Variants in ABI3BP observed in about 807,000 individuals in gnomAD.
The protein encoded by ABI3BP is ABI family member 3 binding protein.
Under a neutral mutation model 268.6 loss-of-function variants are expected in ABI3BP, and 216 were observed. The ratio of observed to expected loss-of-function variants is 0.80; its 90% CI spans 0.72 to 0.90. The LOEUF is 0.90. Among genes scored for constraint, ABI3BP ranks in the 40% least tolerant of loss-of-function variants. The probability of loss-of-function intolerance (pLI) is 0.00; values close to 1 mark genes in which losing one functional copy is unlikely to be tolerated. For synonymous variants in ABI3BP, 730 were observed against 730.0 expected (o/e 1.00, Z 0.00); for missense variants, 2,090 against 2,182.4 (o/e 0.96, Z 0.84).
intron 21 of ABI3BP, among the ~76,000 whole-genome samples, chr3:100,841,220 T>TTTTTTTG (rs2098695808): frequency 8.4e-5 from 10 of 119,548 alleles, no homozygotes; most frequent in African/African-American, 2.3e-4. Context: ...TTTTTTTTTT[T>TTTTTTTG]TTTTTTTGCT....
chr3:100,752,941 T>A lies in ABI3BP; in HGVS notation c.4968A>T (p.Arg1656Ser). The change falls in exon 66 of 68, where the codon AGA becomes AGT. Residue 1656 changes from arginine (R) to serine (S), a missense_variant. By Grantham distance (110) the Arg-to-Ser change is moderately radical. Coordinates refer to ENST00000471714, the MANE Select transcript of ABI3BP (RefSeq NM_001375547.2). ...AGGGTCTTTCAGTCCAGATGGCATC[T>A]CTTCCTGCTACAAAAGGAAAATAGT... The part of the protein sequence containing the change: ...PRVSEPVSAG[R>S]DAIWTERPFN... 1 of 1,610,176 alleles carries A rather than the reference T, an allele frequency of 6.2e-7. No homozygotes were observed. Among genetic ancestry groups the A allele is most frequent in the South Asian group, 1.1e-5 (1 of 90,730 alleles).
intron 20 of ABI3BP, 102 bp downstream of exon 20, chr3:100,846,270 C>A: frequency 1.2e-6 from 1 of 836,972 alleles, no homozygotes. Context: ...AAAAATGTAA[C>A]AAATGTCAAA....
chr3:100,946,579 G>A (rs2072463182), intron 1 of ABI3BP, among the ~76,000 whole-genome samples: 1 of 151,496 alleles, frequency 6.6e-6, no homozygotes, highest in African/African-American at 2.4e-5. Flanking sequence ...ACCAGAGATC[G>A]GGAGTTTGAG....
intron 2 of ABI3BP, among the ~76,000 whole-genome samples, chr3:100,925,222 C>G (rs1036934764): frequency 3.3e-5 from 5 of 152,152 alleles, no homozygotes; most frequent in African/African-American, 4.8e-5. Context: ...AAAATAGATT[C>G]ATCTTCAACA....
chr3:100,880,643 T>G (rs1171997540), intron 6 of ABI3BP, among the ~76,000 whole-genome samples: 1 of 152,118 alleles, frequency 6.6e-6, no homozygotes, highest in Non-Finnish European at 1.5e-5. Context: ...CGGAGACAAA[T>G]GCAGCATGCT....
intron 63 of ABI3BP, among the ~76,000 whole-genome samples, chr3:100,764,743 T>C (rs1576912844): frequency 6.6e-6 from 1 of 152,346 alleles, no homozygotes; most frequent in African/African-American, 2.4e-5. Context: ...AAATATATTA[T>C]GGCAAAACAG....
At chr3:100,770,626 G>A (rs2096516972) in intron 62 of ABI3BP, 117 bp downstream of exon 62, 1 of 985,796 alleles carries the variant, frequency 1.0e-6, no homozygotes, top group Non-Finnish European at 1.4e-6. Context: ...AAAACTGCTA[G>A]TTTTGTCTCC....
chr3:100,830,464 A>G, intron 32 of ABI3BP, 114 bp downstream of exon 32: 1 of 830,398 alleles, frequency 1.2e-6, no homozygotes, highest in Non-Finnish European at 1.8e-6. Context: ...GTAATGAATA[A>G]TAGAGGATAA....
intron 57 of ABI3BP, among the ~76,000 whole-genome samples, chr3:100,784,747 T>C (rs906305939): frequency 1.3e-5 from 2 of 152,140 alleles, no homozygotes; most frequent in Admixed American, 1.3e-4. Flanking sequence ...TGGATGGATC[T>C]AGAGACCATT....
At chr3:100,947,168 G>C (rs1474838280) in intron 1 of ABI3BP, among the ~76,000 whole-genome samples, 2 of 151,946 alleles carry the variant, frequency 1.3e-5, no homozygotes, top group Non-Finnish European at 2.9e-5. Flanking sequence ...TTTGAACTAT[G>C]CACATACCTG....
chr3:100,936,098 A>G (rs938404564), intron 1 of ABI3BP, among the ~76,000 whole-genome samples: 55 of 152,212 alleles, frequency 3.6e-4, no homozygotes, highest in African/African-American at 1.3e-3. Flanking sequence ...ATTCAGTATG[A>G]TATTGGCTGT....
intron 20 of ABI3BP, among the ~76,000 whole-genome samples, chr3:100,843,415 TGTGTGTGA>T (rs2098729924): frequency 6.6e-6 from 1 of 150,484 alleles, no homozygotes; most frequent in South Asian, 2.1e-4. Flanking sequence ...TGTGTGTGTG[TGTGTGTGA>T]GTGAGTCTGT....
chr3:100,828,547 A>T, intron 33 of ABI3BP, 95 bp from the exon 34 acceptor site: 1 of 1,115,812 alleles, frequency 9.0e-7, no homozygotes, highest in South Asian at 1.4e-5. Context: ...GTCATGACAT[A>T]TCTGTCCAGA....
chr3:100,984,165 C>A lies in ABI3BP; in HGVS notation c.79+9141G>T, dbSNP rs549295626. ...GGAGTTAAAAAAAAAAAAATCCCACCCTAGACCAATTTAAAATAAATTTGT... is the reference window on the plus strand; with the variant it reads ...GGAGTTAAAAAAAAAAAAATCCCACACTAGACCAATTTAAAATAAATTTGT... On this transcript the variant is annotated intron_variant, in intron 1 of 67. Coordinates refer to ENST00000471714, the MANE Select transcript of ABI3BP (RefSeq NM_001375547.2). Among the ~76,000 whole-genome samples the A allele has an allele frequency of 9.9e-5, 15 of 151,902 alleles. No individual in the cohort carries two copies. The South Asian group carries it at 3.1e-3, about 32-fold the overall frequency.
At chr3:100,878,168 A>G (rs915122205) in intron 6 of ABI3BP, among the ~76,000 whole-genome samples, 6 of 152,212 alleles carry the variant, frequency 3.9e-5, no homozygotes, top group African/African-American at 1.4e-4. Flanking sequence ...GGTTTTATTA[A>G]ATGATAGTTC....
chr3:100,988,574 T>C (rs1230918059), intron 1 of ABI3BP, among the ~76,000 whole-genome samples: 1 of 152,166 alleles, frequency 6.6e-6, no homozygotes, highest in African/African-American at 2.4e-5. Context: ...TTGGGTTTCT[T>C]ATTCTCTCAT....
intron 1 of ABI3BP, among the ~76,000 whole-genome samples, chr3:100,967,964 A>T (rs1015693758): frequency 6.6e-6 from 1 of 152,176 alleles, no homozygotes; most frequent in African/African-American, 2.4e-5. Flanking sequence ...CTGCCTTTTT[A>T]AATTCACTGA....
At chr3:100,899,451 G>A (rs1038374219) in intron 3 of ABI3BP, among the ~76,000 whole-genome samples, 1 of 152,172 alleles carries the variant, frequency 6.6e-6, no homozygotes, top group African/African-American at 2.4e-5. Flanking sequence ...ATTTTACAAT[G>A]AGTATCTAAA....
At chr3:100,847,524 C>T in intron 19 of ABI3BP, 78 bp downstream of exon 19, 1 of 1,208,584 alleles carries the variant, frequency 8.3e-7, no homozygotes, top group Non-Finnish European at 1.2e-6. Flanking sequence ...AGGTAACAGA[C>T]ATTACATAAA....
Sources: allele counts gnomAD v4.1 joint callset (sites outside exome capture counted in the v4.1 genomes callset), GRCh38; gene constraint gnomAD v4.1.1; transcripts MANE v1.5; gene names NCBI Gene and HGNC (gene_info 2026-07-23, HGNC 2026-07-21).